Variants in ZNF267 observed in about 807,000 individuals in gnomAD.
The protein encoded by ZNF267 is zinc finger protein 267.
A neutral mutation model predicts 71.6 loss-of-function variants in ZNF267; 61 were observed. That is an observed-to-expected ratio of 0.85 (90% CI 0.69 to 1.05). The LOEUF (loss-of-function observed/expected upper bound fraction) is 1.05, where lower values mean the gene tolerates loss of function less well. ZNF267 is among the 50% of genes least tolerant of loss of function. The pLI is 0.00. For synonymous variants in ZNF267, 288 were observed against 293.2 expected, an observed-to-expected ratio of 0.98 and a Z score of 0.18; for missense variants, 852 against 870.0, an observed-to-expected ratio of 0.98 and a Z score of 0.26.
At chr16:31,904,964 C>T (rs1232743306) in intron 3 of ZNF267, among the ~76,000 whole-genome samples, 1 of 152,080 alleles carries the variant, frequency 6.6e-6, no homozygotes, top group African/African-American at 2.4e-5. Context: ...TTCAGGAGCT[C>T]TTGTAGGGCA....
rs1206973140 is a variant in ZNF267, at chr16:31,915,631, A to G, written c.1382A>G (p.Glu461Gly). The part of the protein sequence containing the change: ...LTQHQTTHTG[E>G]KLYKCKVCSK... ...CAACATCAGACAACTCATACAGGAG[A>G]AAAACTTTACAAATGTAAAGTATGT... The change falls in exon 4 of 4, where the codon GAA (glutamate) becomes GGA (glycine). Residue 461 changes from glutamate to glycine, a missense_variant. By Grantham distance (98) the Glu-to-Gly change is moderately conservative (BLOSUM62 -2). Transcript: ENST00000300870. 3.7e-6 allele frequency: 6 copies of G among 1,613,922 alleles called. No individual in the cohort carries two copies. Among genetic ancestry groups the G allele is most frequent in the Admixed American group, 1.7e-5 (1 of 60,026 alleles).
At position 31,901,849 on chromosome 16, in the gene ZNF267, T is replaced by C. The variant is rs996748906; in HGVS notation, c.227-12627T>C. ...TTTTGTTGCCATTGCTTTTGGTGTT[T>C]TAGACAGGAAGTCCTTGCCCATGCC... On this transcript the variant is annotated intron_variant, in intron 3 of 3. Coordinates refer to ENST00000300870, the MANE Select transcript of ZNF267 (RefSeq NM_003414.6). 1.3e-4 allele frequency among the ~76,000 whole-genome samples: 20 copies of C among 152,366 alleles called. 1 individual carries two copies. Among genetic ancestry groups the C allele is most frequent in the African/African-American group, 4.1e-4 (17 of 41,584 alleles).
intron 1 of ZNF267, among the ~76,000 whole-genome samples, chr16:31,883,113 CTA>C (rs1407515629): frequency 6.6e-6 from 1 of 152,068 alleles, no homozygotes; most frequent in Non-Finnish European, 1.5e-5. Context: ...TATTTATTCT[CTA>C]TATTTTCAGA....
At chr16:31,903,542 C>T (rs905040276) in intron 3 of ZNF267, among the ~76,000 whole-genome samples, 9 of 152,134 alleles carry the variant, frequency 5.9e-5, no homozygotes, top group African/African-American at 1.9e-4. Flanking sequence ...AGGAACTTAT[C>T]GATTTCTTCT....
At chr16:31,904,990 A>C (rs9673965) in intron 3 of ZNF267, among the ~76,000 whole-genome samples, 131,272 of 151,830 alleles carry the variant, frequency 0.86, 58,792 homozygotes, top group East Asian at 1. Context: ...GGTGGTGACA[A>C]AATCTCTCAG....
intron 3 of ZNF267, among the ~76,000 whole-genome samples, chr16:31,890,888 A>C (rs3913870): frequency 0.85 from 128,891 of 152,242 alleles, 57,359 homozygotes; most frequent in East Asian, 1. Flanking sequence ...TTTATCCTAA[A>C]TTTTGGAGGT....
At position 31,915,334 on chromosome 16, in the gene ZNF267, A is replaced by G. The variant is rs2084166772; in HGVS notation, c.1085A>G (p.Asn362Ser). 1.2e-6 allele frequency: 2 copies of G among 1,613,750 alleles called. No individual in the cohort carries two copies. Among genetic ancestry groups the G allele is most frequent in the African/African-American group, 2.7e-5 (2 of 75,030 alleles). Residue 362 changes from asparagine to serine, a missense_variant, in exon 4 of 4, where the codon AAC becomes AGC. Transcript: ENST00000300870. Reference protein sequence around the residue: ...WKECGKVFNLNCSLYLTKQQQ... With the variant: ...WKECGKVFNLSCSLYLTKQQQ... Reference sequence around the variant, plus strand: ...GAATGTGGCAAGGTCTTTAACCTTAACTGTAGTTTATACCTTACTAAACAG... The same window carrying G: ...GAATGTGGCAAGGTCTTTAACCTTAGCTGTAGTTTATACCTTACTAAACAG...
At chr16:31,905,864 G>A (rs1299072305) in intron 3 of ZNF267, among the ~76,000 whole-genome samples, 3 of 152,146 alleles carry the variant, frequency 2.0e-5, no homozygotes, top group African/African-American at 7.2e-5. Flanking sequence ...GAGGCACTCT[G>A]ATTTTTAGAG....
At chr16:31,878,305 A>G (rs1317096433) in intron 1 of ZNF267, among the ~76,000 whole-genome samples, 1 of 152,092 alleles carries the variant, frequency 6.6e-6, no homozygotes, top group Non-Finnish European at 1.5e-5. Context: ...TAGGGTGAGA[A>G]GGGACTGAAC....
intron 3 of ZNF267, among the ~76,000 whole-genome samples, chr16:31,902,725 A>G (rs2084052064): frequency 6.6e-6 from 1 of 152,350 alleles, no homozygotes; most frequent in South Asian, 2.1e-4. Flanking sequence ...ATATACAGTC[A>G]TGTCATCTGC....
chr16:31,875,884 AT>A (rs1290954239), intron 1 of ZNF267, among the ~76,000 whole-genome samples: 1 of 152,250 alleles, frequency 6.6e-6, no homozygotes, highest in Non-Finnish European at 1.5e-5. Context: ...GAAAATTAAA[AT>A]ATCAAGTCAT....
At chr16:31,880,346 G>T (rs1056677650) in intron 1 of ZNF267, among the ~76,000 whole-genome samples, 45 of 152,094 alleles carry the variant, frequency 3.0e-4, no homozygotes, top group Non-Finnish European at 2.2e-4. Context: ...GGGAGGGTGG[G>T]GCCACCACTG....
At chr16:31,896,552 A>G in intron 3 of ZNF267, among the ~76,000 whole-genome samples, 1 of 152,144 alleles carries the variant, frequency 6.6e-6, no homozygotes, top group Admixed American at 6.5e-5. Context: ...CTTTTCCCCA[A>G]AGTGTATTCT....
At chr16:31,904,327 A>G (rs552464011) in intron 3 of ZNF267, among the ~76,000 whole-genome samples, 1 of 152,306 alleles carries the variant, frequency 6.6e-6, no homozygotes, top group African/African-American at 2.4e-5. Context: ...GCTGAGTTCA[A>G]TTCCTGGATA....
intron 1 of ZNF267, among the ~76,000 whole-genome samples, chr16:31,875,637 A>G (rs1567470176): frequency 6.6e-6 from 1 of 152,146 alleles, no homozygotes; most frequent in East Asian, 1.9e-4. Context: ...ATCTGGGAGG[A>G]TGGTCCCTGA....
chr16:31,885,415 T>C (rs553242943), intron 3 of ZNF267, among the ~76,000 whole-genome samples, 159 bp downstream of exon 3: 1 of 152,364 alleles, frequency 6.6e-6, no homozygotes, highest in East Asian at 1.9e-4. Flanking sequence ...GGACATCTTC[T>C]GTCCCATGCT....
At chr16:31,907,883 A>G (rs2084104154) in intron 3 of ZNF267, among the ~76,000 whole-genome samples, 2 of 151,944 alleles carry the variant, frequency 1.3e-5, no homozygotes, top group African/African-American at 4.8e-5. Flanking sequence ...AAAAATTGAA[A>G]AAAAAAAAAA....
chr16:31,914,270 C>G (rs2084155810), intron 3 of ZNF267: 1 of 504,806 alleles, frequency 2.0e-6, no homozygotes, highest in Non-Finnish European at 3.4e-6. Flanking sequence ...CACAAGCACT[C>G]CCTTTCCTTC....
At chr16:31,888,165 A>G (rs1390446426) in intron 3 of ZNF267, among the ~76,000 whole-genome samples, 1 of 151,774 alleles carries the variant, frequency 6.6e-6, no homozygotes, top group Non-Finnish European at 1.5e-5. Context: ...CTTTTTTCTC[A>G]GTTTATTGTT....
Sources: gnomAD v4.1 joint callset for allele counts (sites outside exome capture counted in the v4.1 genomes callset) on GRCh38, gnomAD v4.1.1 for gene constraint, MANE v1.5 for transcripts, NCBI Gene and HGNC (gene_info 2026-07-23, HGNC 2026-07-21) for gene names.